The following PTPRU variants were observed in gnomAD, a reference collection of about 807,000 sequenced individuals.
The protein encoded by PTPRU is receptor-type tyrosine-protein phosphatase U.
PTPRU carries 69 observed loss-of-function variants against 166.3 expected under a neutral mutation model. The ratio of observed to expected loss-of-function variants is 0.41; its 90% CI spans 0.34 to 0.51. The LOEUF (loss-of-function observed/expected upper bound fraction) is 0.51, where lower values mean the gene tolerates loss of function less well. PTPRU is among the 20% of genes least tolerant of loss of function. PTPRU has a pLI of 0.09. For synonymous variants in PTPRU, 793 were observed against 814.0 expected (o/e 0.97, Z 0.44); for missense variants, 1,657 against 2,013.7 (o/e 0.82, Z 3.39).
At chr1:29,247,300 A>T (rs891631352) in intron 1 of PTPRU, among the ~76,000 whole-genome samples, 2 of 152,184 alleles carry the variant, frequency 1.3e-5, no homozygotes, top group African/African-American at 4.8e-5. Context: ...CCCATGATGG[A>T]TGTGGCACTT....
chr1:29,292,076 C>G, intron 15 of PTPRU, 50 bp downstream of exon 15: 1 of 1,602,176 alleles, frequency 6.2e-7, no homozygotes. Flanking sequence ...GGGCTCCCAA[C>G]CTGAGACAAT....
intron 26 of PTPRU, among the ~76,000 whole-genome samples, chr1:29,322,246 A>G (rs1275183298): frequency 6.6e-6 from 1 of 152,136 alleles, no homozygotes; most frequent in Non-Finnish European, 1.5e-5. Flanking sequence ...TGCTCAACCA[A>G]CTTTGCCCAT....
rs1310901013 is a variant in PTPRU, at chr1:29,260,369, A to G, written c.851-241A>G. The G allele has an allele frequency of 4.4e-6, 2 of 458,080 alleles. No individual in the cohort carries two copies. The highest frequency in any genetic ancestry group is 4.3e-5 in the Admixed American group (1 of 23,062). The allele number at this position is 458,080 out of a possible 1,614,324, so 28.4% of individuals were successfully genotyped here. A position where few individuals can be genotyped will look rare whatever the true frequency, so the allele number is the denominator to read the frequency against. ...GGAGGCGAGGATGTGGGGGATTAGGAGGGGCCTGAGAGAGGGGTTGTGGGC... is the reference window on the plus strand; with the variant it reads ...GGAGGCGAGGATGTGGGGGATTAGGGGGGGCCTGAGAGAGGGGTTGTGGGC... On this transcript the variant is annotated intron_variant, in intron 6 of 29. Coordinates refer to ENST00000373779, the MANE Select transcript of PTPRU (RefSeq NM_133178.4). This position sits in a 1 kb window ranked among gnomAD's most constrained non-coding sequence, Gnocchi z 8.3.
intron 22 of PTPRU, among the ~76,000 whole-genome samples, chr1:29,314,653 C>T (rs1042458398): frequency 8.6e-5 from 13 of 151,966 alleles, no homozygotes; most frequent in Non-Finnish European, 1.3e-4. Flanking sequence ...TCTTGGTTCA[C>T]TGCAACCTCC....
At chr1:29,298,063 GC>G (rs1686971261) in intron 15 of PTPRU, among the ~76,000 whole-genome samples, 1 of 152,070 alleles carries the variant, frequency 6.6e-6, no homozygotes, top group African/African-American at 2.4e-5. Context: ...TTCAAGACCA[GC>G]CTGGCTAACG....
chr1:29,259,642 G>C (rs1684948131), intron 5 of PTPRU, 78 bp downstream of exon 5: 2 of 1,388,606 alleles, frequency 1.4e-6, no homozygotes, highest in Non-Finnish European at 9.7e-7. Flanking sequence ...ACTCCCCCCA[G>C]ATTGCTGAGT....
chr1:29,324,870 G>C (rs1339072736), intron 28 of PTPRU, among the ~76,000 whole-genome samples: 1 of 147,374 alleles, frequency 6.8e-6, no homozygotes, highest in African/African-American at 2.5e-5. Flanking sequence ...GCCCTCCTTA[G>C]TTTCCTAGCC....
chr1:29,316,005 C>G lies in PTPRU; in HGVS notation c.3367C>G (p.Gln1123Glu). The stretch of plus-strand genomic sequence containing the variant: ...TCATTCTCATCTCCTGTTCCAGGAG[C>G]AGTACATCTTCATTCATGATGCAAT... Reference protein sequence around the residue: ...RRVNMIQTEEQYIFIHDAILE... With the variant: ...RRVNMIQTEEEYIFIHDAILE... The change falls in exon 24 of 30, where the codon CAG becomes GAG. Residue 1123 changes from glutamine (Q) to glutamate (E), a missense_variant. By Grantham distance (29) the Gln-to-Glu change is conservative. Transcript: ENST00000373779. The G allele has an allele frequency of 6.2e-7, 1 of 1,613,998 alleles. No homozygotes were observed. The highest frequency in any genetic ancestry group is 8.5e-7 in the Non-Finnish European group (1 of 1,179,922).
chr1:29,306,276 G>A (rs761075861), intron 18 of PTPRU, among the ~76,000 whole-genome samples: 8 of 152,210 alleles, frequency 5.3e-5, no homozygotes, highest in Non-Finnish European at 7.3e-5. Flanking sequence ...GAAGAGGGGC[G>A]AGGCGGGACA....
At chr1:29,298,841 C>T (rs1036621278) in intron 15 of PTPRU, among the ~76,000 whole-genome samples, 7 of 152,252 alleles carry the variant, frequency 4.6e-5, no homozygotes, top group East Asian at 1.9e-4. Context: ...TCAGTTTTCT[C>T]GTTTGCACAA....
chr1:29,316,549 C>T (rs892447806), intron 24 of PTPRU, among the ~76,000 whole-genome samples: 2 of 152,180 alleles, frequency 1.3e-5, no homozygotes, highest in Non-Finnish European at 2.9e-5. Context: ...GCTTTTATAA[C>T]TGAAAAGTCT....
chr1:29,249,172 G>A (rs1029451291), intron 1 of PTPRU, among the ~76,000 whole-genome samples: 8 of 142,172 alleles, frequency 5.6e-5, no homozygotes, highest in Non-Finnish European at 1.1e-4. Flanking sequence ...ACACACACAC[G>A]CACACCTGCA....
intron 15 of PTPRU, among the ~76,000 whole-genome samples, chr1:29,303,230 C>T (rs1046060257): frequency 3.3e-5 from 5 of 152,116 alleles, no homozygotes; most frequent in African/African-American, 4.8e-5. Flanking sequence ...ACAGAACAGC[C>T]GGGGACGGGG....
chr1:29,273,641 G>A (rs180969242), intron 7 of PTPRU, among the ~76,000 whole-genome samples: 1 of 152,048 alleles, frequency 6.6e-6, no homozygotes, highest in Non-Finnish European at 1.5e-5. Flanking sequence ...GGGCTCCAGC[G>A]ATTCTCCTGC....
At chr1:29,302,800 C>T (rs954031072) in intron 15 of PTPRU, among the ~76,000 whole-genome samples, 2 of 152,176 alleles carry the variant, frequency 1.3e-5, no homozygotes, top group African/African-American at 2.4e-5. Context: ...TCACCCACCT[C>T]GGCCTCCCAA....
At position 29,291,930 on chromosome 1, in the gene PTPRU, A is replaced by T. The variant is rs928388049; in HGVS notation, c.2380A>T (p.Ser794Cys). ...NYRQEKTHMM[S>C]AVDRSFTDQS... ...CCGCCAGGAGAAGACACACATGATG[A>T]GCGCCGTGGACCGCAGCTTCACAGA... The change falls in exon 15 of 30, where the codon AGC (serine) becomes TGC (cysteine). Residue 794 changes from serine (S) to cysteine (C), a missense_variant. Physicochemically the swap from Ser to Cys is moderately radical, Grantham distance 112 (BLOSUM62 -1). Around this residue, in one of 3 missense-constraint regions of PTPRU, gnomAD observed 1,190 missense variants for 1,477.4 expected, o/e 0.81. Transcript: ENST00000373779. The surrounding 1 kb of genome is among the most constrained non-coding windows in gnomAD (Gnocchi z 4.1). 1.2e-6 allele frequency: 2 copies of T among 1,614,142 alleles called. No individual in the cohort carries two copies. The highest frequency in any genetic ancestry group is 2.7e-5 in the African/African-American group (2 of 75,032).
chr1:29,258,100 G>A (rs528876786), intron 2 of PTPRU, among the ~76,000 whole-genome samples: 5 of 152,236 alleles, frequency 3.3e-5, no homozygotes, highest in Non-Finnish European at 7.4e-5. Flanking sequence ...GAGTAGCTGG[G>A]ACTACAGGCA....
At chr1:29,289,593 C>T in intron 14 of PTPRU, 1 of 1,517,896 alleles carries the variant, frequency 6.6e-7, no homozygotes, top group Non-Finnish European at 9.1e-7. Flanking sequence ...GTACCCAGGC[C>T]CCACCCTGCT....
Position 29,280,650 on chromosome 1 carries a change from T to A in PTPRU, c.1868+509T>A, listed in dbSNP as rs1263356147. Among the ~76,000 whole-genome samples, 4 of 48,350 alleles carry A rather than the reference T, an allele frequency of 8.3e-5. No homozygotes were observed. The highest frequency in any genetic ancestry group is 5.0e-4 in the African/African-American group (4 of 7,986). The allele number at this position is 48,350 out of a possible 152,430, so 31.7% of individuals were successfully genotyped here. A position where few individuals can be genotyped will look rare whatever the true frequency, so the allele number is the denominator to read the frequency against. ...GGGGAGAGGGTGCTGGAGACAAGAC[T>A]GTGTGTGTGTGTGTGTGTGTGTGTG... On this transcript the variant is annotated intron_variant, in intron 11 of 29. Coordinates refer to ENST00000373779, the MANE Select transcript of PTPRU (RefSeq NM_133178.4). The surrounding 1 kb of genome is among the most constrained non-coding windows in gnomAD (Gnocchi z 4.2).
Sources: gnomAD v4.1 joint callset for allele counts (sites outside exome capture counted in the v4.1 genomes callset) on GRCh38, gnomAD v4.1.1 for gene constraint, gnomAD v4.1.1 regional missense constraint, Gnocchi (gnomAD v3.1) non-coding constraint, MANE v1.5 for transcripts, NCBI Gene and HGNC (gene_info 2026-07-23, HGNC 2026-07-21) for gene names.